The following EYS variants were observed in gnomAD, a reference collection of about 807,000 sequenced individuals.
The protein encoded by EYS is EGF-like photoreceptor maintenance factor.
EYS carries 250 observed loss-of-function variants against 282.1 expected under a neutral mutation model. That is an observed-to-expected ratio of 0.89 (90% confidence interval 0.80 to 0.98). The LOEUF (loss-of-function observed/expected upper bound fraction) is 0.98, where lower values mean the gene tolerates loss of function less well. EYS is among the 50% of genes least tolerant of loss of function. The pLI is 0.00. For missense variants in EYS, 4,016 were observed against 3,709.0 expected (o/e 1.08, Z -2.15); for synonymous variants, 1,355 against 1,282.9 (o/e 1.06, Z -1.20).
intron 2 of EYS, among the ~76,000 whole-genome samples, chr6:65,549,362 C>T (rs1768515156): frequency 6.6e-6 from 1 of 152,150 alleles, no homozygotes; most frequent in African/African-American, 2.4e-5. Flanking sequence ...TTTTAAAATA[C>T]TTTGGCTCTA....
chr6:65,581,678 G>A lies in EYS; in HGVS notation c.-333+58100C>T, dbSNP rs534504538. On this transcript the variant is annotated intron_variant, in intron 2 of 42. Transcript: ENST00000503581. Reference sequence around the variant, plus strand: ...CAAAATCCTTGTAATACTTAAATAAGTACCTATATTCACCTAACCAAAAAT... The same window carrying A: ...CAAAATCCTTGTAATACTTAAATAAATACCTATATTCACCTAACCAAAAAT... 1.1e-4 allele frequency among the ~76,000 whole-genome samples: 16 copies of A among 152,106 alleles called. No individual in the cohort carries two copies. In the South Asian group the frequency reaches 3.3e-3, roughly 32 times the overall value.
chr6:65,705,341 G>C (rs1769837040), intron 1 of EYS, among the ~76,000 whole-genome samples: 1 of 152,168 alleles, frequency 6.6e-6, no homozygotes. Flanking sequence ...AACGTACTCA[G>C]GGCTTGTTGG....
At chr6:65,677,375 G>A (rs572781235) in intron 1 of EYS, among the ~76,000 whole-genome samples, 9 of 151,772 alleles carry the variant, frequency 5.9e-5, no homozygotes, top group South Asian at 2.1e-4. Flanking sequence ...GAAAATTTCC[G>A]GGATAAAAAA....
intron 36 of EYS, among the ~76,000 whole-genome samples, chr6:63,807,415 GCTT>G (rs1166556320): frequency 2.0e-5 from 3 of 152,120 alleles, no homozygotes; most frequent in African/African-American, 7.2e-5. Flanking sequence ...ACTTAAAAGA[GCTT>G]CTTATGTCTG....
intron 18 of EYS, among the ~76,000 whole-genome samples, chr6:64,891,857 T>C (rs745447419): frequency 2.0e-5 from 3 of 152,064 alleles, no homozygotes; most frequent in Admixed American, 6.6e-5. Context: ...CCATGAAATA[T>C]GTATTTTTGA....
At position 63,929,234 on chromosome 6, in the gene EYS, G is replaced by T. The variant is rs184981500; in HGVS notation, c.7055+55149C>A. Among the ~76,000 whole-genome samples, 11 of 152,254 alleles carry T rather than the reference G, an allele frequency of 7.2e-5. No homozygotes were observed. In the East Asian group the frequency reaches 2.1e-3, roughly 29 times the overall value. ...CTAAGCTCCCCTCTACTAAACAAAAGCCCAGGAAATCTAACAAAAACCAAA... is the reference window on the plus strand; with the variant it reads ...CTAAGCTCCCCTCTACTAAACAAAATCCCAGGAAATCTAACAAAAACCAAA... On this transcript the variant is annotated intron_variant, in intron 35 of 42. Coordinates refer to ENST00000503581, the MANE Select transcript of EYS (RefSeq NM_001142800.2).
rs566547922 is a variant in EYS at position 64,769,671 on chromosome 6, C to T, written c.3443+43707G>A. Among the ~76,000 whole-genome samples, 28 of 151,928 alleles carry T rather than the reference C, an allele frequency of 1.8e-4. No individual in the cohort carries two copies. The South Asian group carries it at 5.8e-3, about 32-fold the overall frequency. On this transcript the variant is annotated intron_variant, in intron 22 of 42. Coordinates refer to ENST00000503581, the MANE Select transcript of EYS (RefSeq NM_001142800.2). ...AAAAGGGCAGGATATGATTGGATCA[C>T]CTAAAAAATGTATCCAGCTTGATCT...
At chr6:65,196,748 T>C (rs1230665211) in intron 12 of EYS, among the ~76,000 whole-genome samples, 1 of 152,144 alleles carries the variant, frequency 6.6e-6, no homozygotes, top group African/African-American at 2.4e-5. Flanking sequence ...ATTATTGTCG[T>C]TTGAATAGAC....
At chr6:64,640,075 A>G (rs969578162) in intron 22 of EYS, among the ~76,000 whole-genome samples, 1 of 143,828 alleles carries the variant, frequency 7.0e-6, no homozygotes, top group African/African-American at 2.6e-5. Flanking sequence ...AACAGGTGCT[A>G]GAGAGGATAT....
chr6:63,722,478 G>A (rs982174427), intron 42 of EYS, among the ~76,000 whole-genome samples: 1 of 152,114 alleles, frequency 6.6e-6, no homozygotes, highest in African/African-American at 2.4e-5. Flanking sequence ...ATAGTCGTGT[G>A]AAGAAATAGG....
intron 12 of EYS, among the ~76,000 whole-genome samples, chr6:65,081,377 C>T (rs998978595): frequency 7.9e-5 from 12 of 152,012 alleles, no homozygotes; most frequent in Non-Finnish European, 1.8e-4. Context: ...GCCTCTGTTT[C>T]CAAACTCATG....
chr6:64,005,741 T>C (rs898333256), intron 33 of EYS, among the ~76,000 whole-genome samples: 6 of 152,124 alleles, frequency 3.9e-5, no homozygotes, highest in Non-Finnish European at 8.8e-5. Context: ...TTCCCATTGC[T>C]TTTTTTGTTA....
chr6:65,164,602 A>G lies in EYS; in HGVS notation c.2024-106875T>C, dbSNP rs147911736. On this transcript the variant is annotated intron_variant, in intron 12 of 42. Transcript: ENST00000503581. ...CTATCTTTATTATCTTGAAACATAT[A>G]TACTATTTACACTGTTTTAGAAAAT... Among the ~76,000 whole-genome samples the G allele has an allele frequency of 1.3e-4, 20 of 151,466 alleles. 2 individuals carry two copies. The highest frequency in any genetic ancestry group is 4.8e-4 in the African/African-American group (20 of 41,448).
chr6:64,805,161 T>C (rs1362015402), intron 22 of EYS, among the ~76,000 whole-genome samples: 1 of 152,098 alleles, frequency 6.6e-6, no homozygotes, highest in East Asian at 1.9e-4. Context: ...TCAGATACTC[T>C]TTAATGTAAA....
chr6:65,589,319 CTT>C (rs1237592328), intron 2 of EYS, among the ~76,000 whole-genome samples: 1 of 152,064 alleles, frequency 6.6e-6, no homozygotes, highest in Non-Finnish European at 1.5e-5. Context: ...TCATTTGACT[CTT>C]TGACGATCCT....
rs569173152 is a variant in EYS, at chr6:64,708,027, C to T, written c.3444-81782G>A. Among the ~76,000 whole-genome samples the T allele has an allele frequency of 1.6e-4, 24 of 152,032 alleles. No homozygotes were observed. In the East Asian group the frequency reaches 2.7e-3, roughly 17 times the overall value. ...GAAATATACAGCACAAAAAAAAACC[C>T]GGATAAACATGGGGGAGCCCACACA... is the stretch of plus-strand genomic sequence containing the variant. On this transcript the variant is annotated intron_variant, in intron 22 of 42. Transcript: ENST00000503581.
In EYS at chr6:63,836,117, T is replaced by G. The variant is rs559430451; in HGVS notation, c.7228+28069A>C. 3.3e-5 allele frequency among the ~76,000 whole-genome samples: 5 copies of G among 152,198 alleles called. No homozygotes were observed. In the East Asian group the frequency reaches 7.7e-4, roughly 23 times the overall value. On this transcript the variant is annotated intron_variant, in intron 36 of 42. Transcript: ENST00000503581. ...GGAGTGGAATTGCTGGGTCATATGG[T>G]AACTCTAACACTTTGAGAAATTGCT...
intron 12 of EYS, among the ~76,000 whole-genome samples, chr6:65,077,988 A>G (rs749981291): frequency 6.6e-6 from 1 of 152,114 alleles, no homozygotes; most frequent in Non-Finnish European, 1.5e-5. Flanking sequence ...CTGTCAGAAA[A>G]TTATGCCATC....
chr6:64,663,935 A>T (rs563894399), intron 22 of EYS, among the ~76,000 whole-genome samples: 32 of 152,192 alleles, frequency 2.1e-4, no homozygotes, highest in Non-Finnish European at 4.6e-4. Flanking sequence ...ATTAGGATGA[A>T]CCTGGGCACT....
Sources: allele counts gnomAD v4.1 joint callset (sites outside exome capture counted in the v4.1 genomes callset), GRCh38; gene constraint gnomAD v4.1.1; transcripts MANE v1.5; gene names NCBI Gene and HGNC (gene_info 2026-07-23, HGNC 2026-07-21).